The following MPDZ variants were observed in gnomAD, a reference collection of about 807,000 sequenced individuals.
MPDZ encodes multiple PDZ domain protein.
In MPDZ, 234 loss-of-function variants were observed where a neutral mutation model predicts 239.1. That is an observed-to-expected ratio of 0.98 (90% confidence interval 0.88 to 1.09). The LOEUF (loss-of-function observed/expected upper bound fraction) is 1.09, where lower values mean the gene tolerates loss of function less well. Ranked by LOEUF, MPDZ falls within the 50% of genes least tolerant of loss-of-function variation. The pLI is 0.00. For synonymous variants in MPDZ, 1,048 were observed against 881.3 expected, an observed-to-expected ratio of 1.19 and a Z score of -3.35; for missense variants, 3,175 against 2,510.0, an observed-to-expected ratio of 1.26 and a Z score of -5.66.
rs374429110 is a variant in MPDZ, at chr9:13,138,138, C to T, written c.4019G>A (p.Arg1340His). 23 of 1,585,798 alleles carry T rather than the reference C, an allele frequency of 1.5e-5. No individual in the cohort carries two copies. Among genetic ancestry groups the T allele is most frequent in the African/African-American group, 1.2e-4 (9 of 73,828 alleles). The change falls in exon 29 of 47, where the codon CGT (arginine) becomes CAT (histidine). Residue 1340 changes from arginine to histidine, a missense_variant. Transcript: ENST00000319217. ...FGYSWKNIRE[R>H]YGTLTGELHM... ...CAGCTCGCCTGTTAGGGTTCCATAA[C>T]GCTCTCTGATATTTTCTACATACAA...
At chr9:13,149,006 C>T (rs1174336608) in intron 25 of MPDZ, among the ~76,000 whole-genome samples, 2 of 151,576 alleles carry the variant, frequency 1.3e-5, no homozygotes, top group Non-Finnish European at 2.9e-5. Flanking sequence ...ATCTCTTTTG[C>T]TATTTAGGTC....
chr9:13,196,295 T>A, intron 12 of MPDZ, 65 bp from the exon 13 acceptor site: 1 of 1,127,468 alleles, frequency 8.9e-7, no homozygotes, highest in Non-Finnish European at 1.3e-6. Context: ...TAACATCCTG[T>A]ACCAAGGATT....
chr9:13,113,080 G>C (rs369015690), intron 41 of MPDZ, 26 bp from the exon 42 acceptor site: 3 of 1,533,464 alleles, frequency 2.0e-6, no homozygotes, highest in Non-Finnish European at 2.7e-6. Flanking sequence ...AGATAAAATA[G>C]GGTTATTTTA....
At chr9:13,145,521 G>C (rs1329714188) in intron 26 of MPDZ, among the ~76,000 whole-genome samples, 1 of 152,024 alleles carries the variant, frequency 6.6e-6, no homozygotes, top group East Asian at 1.9e-4. Context: ...TTACCAGTAA[G>C]AGACTTTTAA....
intron 32 of MPDZ, among the ~76,000 whole-genome samples, chr9:13,128,960 T>C (rs1003519641): frequency 6.6e-6 from 1 of 152,202 alleles, no homozygotes; most frequent in Non-Finnish European, 1.5e-5. Context: ...CAGGACCAAC[T>C]ACCCTTGAAG....
At chr9:13,166,354 C>G (rs2133823478) in intron 22 of MPDZ, among the ~76,000 whole-genome samples, 1 of 152,244 alleles carries the variant, frequency 6.6e-6, no homozygotes, top group Non-Finnish European at 1.5e-5. Context: ...CTGCTCAGCC[C>G]TGGTCAACCT....
intron 23 of MPDZ, among the ~76,000 whole-genome samples, chr9:13,161,525 C>T (rs371068402): frequency 1.2e-4 from 18 of 152,134 alleles, no homozygotes; most frequent in East Asian, 9.7e-4. Flanking sequence ...AAGCCAAAAT[C>T]GCACCATTGC....
At chr9:13,137,752 TGACCTTTTAATG>T (rs563910486) in intron 29 of MPDZ, among the ~76,000 whole-genome samples, 193 bp downstream of exon 29, 12 of 152,194 alleles carry the variant, frequency 7.9e-5, no homozygotes, top group Non-Finnish European at 1.8e-4. Flanking sequence ...TACACAGTCA[TGACCTTTTAATG>T]GAAGTTAATG....
chr9:13,246,885 T>C (rs572382276), intron 3 of MPDZ, among the ~76,000 whole-genome samples: 10 of 152,344 alleles, frequency 6.6e-5, no homozygotes, highest in African/African-American at 2.4e-4. Context: ...ACTTCAAACC[T>C]TGAAGATAAC....
intron 24 of MPDZ, 126 bp from the exon 25 acceptor site, chr9:13,150,814 T>C (rs1053533566): frequency 5.3e-5 from 31 of 580,042 alleles, no homozygotes; most frequent in African/African-American, 3.9e-5. Context: ...AAAAAATAGA[T>C]AAAATGTACT....
Position 13,190,314 on chromosome 9 carries a change from A to G in MPDZ, c.1969-15T>C. Reference sequence around the variant, plus strand: ...TCTACGTGAGGCTGGATAATATCAGACAGCTCTTATTTCAGAGGCATTGCA... The same window carrying G: ...TCTACGTGAGGCTGGATAATATCAGGCAGCTCTTATTTCAGAGGCATTGCA... On this transcript the variant is annotated splice_polypyrimidine_tract_variant and intron_variant, in intron 15 of 46. Transcript: ENST00000319217. 6.6e-7 allele frequency: 1 copy of G among 1,513,528 alleles called. No homozygotes were observed. The highest frequency in any genetic ancestry group is 8.8e-7 in the Non-Finnish European group (1 of 1,132,396). The allele number at this position is 1,513,528 out of a possible 1,614,324, so 93.8% of individuals were successfully genotyped here. A position where few individuals can be genotyped will look rare whatever the true frequency, so the allele number is the denominator to read the frequency against.
rs551243647 is a variant in MPDZ at position 13,260,759 on chromosome 9, C to T, written c.-57-10387G>A. On this transcript the variant is annotated intron_variant, in intron 1 of 46. Transcript: ENST00000319217. Reference sequence around the variant, plus strand: ...GAGCACACAAGAAGGTAGCCACCTGCGAGCCACAGACAAAACCCTCATCAG... The same window carrying T: ...GAGCACACAAGAAGGTAGCCACCTGTGAGCCACAGACAAAACCCTCATCAG... 3.2e-4 allele frequency among the ~76,000 whole-genome samples: 48 copies of T among 152,266 alleles called. 2 individuals carry two copies. The South Asian group carries it at 9.3e-3, about 30-fold the overall frequency.
intron 13 of MPDZ, among the ~76,000 whole-genome samples, chr9:13,193,800 T>C (rs1370599627): frequency 6.6e-6 from 1 of 152,134 alleles, no homozygotes; most frequent in Admixed American, 6.6e-5. Flanking sequence ...ATGAAGAATA[T>C]TAGAAAGCTG....
intron 1 of MPDZ, among the ~76,000 whole-genome samples, chr9:13,254,108 T>A (rs957945280): frequency 6.6e-6 from 1 of 152,164 alleles, no homozygotes; most frequent in Non-Finnish European, 1.5e-5. Flanking sequence ...TAGACCATGC[T>A]CTACATAAAG....
intron 2 of MPDZ, among the ~76,000 whole-genome samples, 196 bp downstream of exon 2, chr9:13,250,104 G>A (rs766971817): frequency 2.0e-5 from 3 of 152,036 alleles, no homozygotes; most frequent in Non-Finnish European, 4.4e-5. Flanking sequence ...TATAAGTAAC[G>A]TATTTTTACA....
At chr9:13,264,866 C>G (rs922404494) in intron 1 of MPDZ, among the ~76,000 whole-genome samples, 3 of 152,150 alleles carry the variant, frequency 2.0e-5, no homozygotes, top group African/African-American at 7.2e-5. Flanking sequence ...AAGATTTGGC[C>G]TCTTCTGTTC....
At position 13,122,099 on chromosome 9, in the gene MPDZ, A is replaced by G; in HGVS notation, c.5025T>C (p.Asp1675=). 1 of 1,613,974 alleles carries G rather than the reference A, an allele frequency of 6.2e-7. No individual in the cohort carries two copies. The highest frequency in any genetic ancestry group is 8.5e-7 in the Non-Finnish European group (1 of 1,179,888). Residue 1675 remains aspartate, a synonymous_variant, in exon 37 of 47, where the codon GAT becomes GAC. Transcript: ENST00000319217. ...ACKDGRLWAG[D]QILEVNGIDL... is the part of the protein sequence containing the mutation. ...AGGCATTCTATACCTCTAAGATCTG[A>G]TCTCCAGCCCAGAGTCTTCCATCTT...
intron 2 of MPDZ, among the ~76,000 whole-genome samples, chr9:13,249,855 G>A (rs772355044): frequency 4.6e-5 from 7 of 152,154 alleles, no homozygotes; most frequent in Non-Finnish European, 8.8e-5. Flanking sequence ...CTGCCTTAAA[G>A]CATAAGACTA....
intron 2 of MPDZ, among the ~76,000 whole-genome samples, chr9:13,250,082 T>C (rs1245423966): frequency 6.6e-6 from 1 of 152,226 alleles, no homozygotes; most frequent in Non-Finnish European, 1.5e-5. Flanking sequence ...TCATATGTTT[T>C]TAATTTTTGC....
Sources: gnomAD v4.1 joint callset for allele counts (sites outside exome capture counted in the v4.1 genomes callset) on GRCh38, gnomAD v4.1.1 for gene constraint, MANE v1.5 for transcripts, NCBI Gene and HGNC (gene_info 2026-07-23, HGNC 2026-07-21) for gene names.